Variants in ZDHHC14 observed in about 807,000 individuals in gnomAD.
ZDHHC14 encodes the protein zDHHC palmitoyltransferase 14.
In ZDHHC14, 16 loss-of-function variants were observed where a neutral mutation model predicts 47.7. That is an observed-to-expected ratio of 0.34 (90% CI 0.23 to 0.51). ZDHHC14 has a LOEUF of 0.51. Among genes scored for constraint, ZDHHC14 ranks in the 20% least tolerant of loss-of-function variants. ZDHHC14 has a pLI of 0.97. For missense variants in ZDHHC14, 515 were observed against 662.5 expected (o/e 0.78, Z 2.44); for synonymous variants, 293 against 278.9 (o/e 1.05, Z -0.50).
At chr6:157,392,998 G>A (rs1204839892) in intron 1 of ZDHHC14, among the ~76,000 whole-genome samples, 4 of 152,042 alleles carry the variant, frequency 2.6e-5, no homozygotes, top group Non-Finnish European at 5.9e-5. Flanking sequence ...TCCTGCCTCA[G>A]CCTCTCGAGT....
intron 1 of ZDHHC14, among the ~76,000 whole-genome samples, chr6:157,424,594 C>A (rs1452651218): frequency 6.6e-6 from 1 of 152,186 alleles, no homozygotes; most frequent in Non-Finnish European, 1.5e-5. Context: ...TGGCTATGAA[C>A]AAACAACTGG....
At chr6:157,606,810 C>T (rs1025349656) in intron 3 of ZDHHC14, among the ~76,000 whole-genome samples, 2 of 152,156 alleles carry the variant, frequency 1.3e-5, no homozygotes, top group Admixed American at 1.3e-4. Context: ...CAGGGGTCCA[C>T]GAACTTGGAG....
chr6:157,587,049 C>T (rs933159371), intron 2 of ZDHHC14, among the ~76,000 whole-genome samples: 2 of 152,210 alleles, frequency 1.3e-5, no homozygotes, highest in South Asian at 2.1e-4. Flanking sequence ...AGTGTTGATA[C>T]GTTTGTCATT....
intron 2 of ZDHHC14, among the ~76,000 whole-genome samples, chr6:157,562,365 G>A (rs952102344): frequency 7.2e-5 from 11 of 152,316 alleles, no homozygotes; most frequent in African/African-American, 2.2e-4. Context: ...CTCCCAGGGT[G>A]GACGCTGGGA....
In ZDHHC14 at chr6:157,662,462, G is replaced by A. The variant is rs1192192166; in HGVS notation, c.1068+8835G>A. ...CTCCCAAAGTGCTGGGATTACAGGC[G>A]TGAGCCCCCGCGCCCAGCCTGGAGG... On this transcript the variant is annotated intron_variant, in intron 8 of 8. Transcript: ENST00000359775. Among the ~76,000 whole-genome samples, 6 of 152,226 alleles carry A rather than the reference G, an allele frequency of 3.9e-5. No individual in the cohort carries two copies. In the South Asian group the frequency reaches 8.3e-4, roughly 21 times the overall value.
intron 2 of ZDHHC14, among the ~76,000 whole-genome samples, chr6:157,566,586 G>A (rs1782910556): frequency 6.6e-6 from 1 of 152,168 alleles, no homozygotes; most frequent in South Asian, 2.1e-4. Context: ...GGGTAGGTCC[G>A]AATGACACTC....
intron 2 of ZDHHC14, among the ~76,000 whole-genome samples, chr6:157,562,078 G>A (rs919268452): frequency 1.3e-5 from 2 of 152,206 alleles, no homozygotes; most frequent in Non-Finnish European, 2.9e-5. Context: ...CTTTTCACAG[G>A]GAAGGGGCAG....
At chr6:157,642,582 G>A (rs1182258204) in intron 5 of ZDHHC14, among the ~76,000 whole-genome samples, 2 of 152,142 alleles carry the variant, frequency 1.3e-5, no homozygotes, top group Admixed American at 1.3e-4. Context: ...TTCTTAGCAG[G>A]GGTTGTGGGG....
chr6:157,414,359 C>T (rs1777931950), intron 1 of ZDHHC14, among the ~76,000 whole-genome samples: 1 of 152,200 alleles, frequency 6.6e-6, no homozygotes, highest in Non-Finnish European at 1.5e-5. Context: ...GCCCATCCCC[C>T]AGTGATCTCA....
At chr6:157,603,774 G>A (rs979297153) in intron 3 of ZDHHC14, among the ~76,000 whole-genome samples, 1 of 152,228 alleles carries the variant, frequency 6.6e-6, no homozygotes, top group East Asian at 1.9e-4. Context: ...CAGGCTGAAG[G>A]GAGGGCAGCT....
At chr6:157,405,577 C>A (rs1777739062) in intron 1 of ZDHHC14, among the ~76,000 whole-genome samples, 2 of 152,010 alleles carry the variant, frequency 1.3e-5, no homozygotes, top group South Asian at 4.1e-4. Flanking sequence ...CTCTTAAAGT[C>A]TGGAAATTTT....
chr6:157,565,836 A>C (rs146280784), intron 2 of ZDHHC14, among the ~76,000 whole-genome samples: 2 of 151,570 alleles, frequency 1.3e-5, no homozygotes, highest in Non-Finnish European at 2.9e-5. Context: ...GTCCAGAGAA[A>C]CCCCTGTCCA....
intron 3 of ZDHHC14, among the ~76,000 whole-genome samples, chr6:157,602,438 C>T (rs77264296): frequency 0.025 from 3,587 of 146,072 alleles, 61 homozygotes; most frequent in East Asian, 0.039. Context: ...TGCAGTGAGC[C>T]GAGATGGCAC....
At chr6:157,600,273 TAAAG>T (rs1169784379) in intron 3 of ZDHHC14, among the ~76,000 whole-genome samples, 3 of 152,158 alleles carry the variant, frequency 2.0e-5, no homozygotes, top group African/African-American at 7.2e-5. Context: ...ACCAGTATAA[TAAAG>T]AATTAGTCAT....
intron 1 of ZDHHC14, among the ~76,000 whole-genome samples, chr6:157,537,439 A>G (rs1163322840): frequency 1.3e-5 from 2 of 152,232 alleles, no homozygotes; most frequent in Non-Finnish European, 2.9e-5. Context: ...GCTCTTGCTG[A>G]TGTATATGAT....
In ZDHHC14 at chr6:157,647,388, G is replaced by A. The variant is rs757240286; in HGVS notation, c.965+20G>A. 9.4e-6 allele frequency: 15 copies of A among 1,592,126 alleles called. No individual in the cohort carries two copies. In the East Asian group the frequency reaches 2.3e-4, roughly 24 times the overall value. ...ACCAAGGTAAGACTCAGGACGCATC[G>A]TGCTCTTCAACAGACCTTGGAAAAC... On this transcript the variant is annotated intron_variant, in intron 7 of 8. Transcript: ENST00000359775.
intron 2 of ZDHHC14, among the ~76,000 whole-genome samples, chr6:157,550,878 C>T (rs1782203400): frequency 6.6e-6 from 1 of 152,180 alleles, no homozygotes; most frequent in African/African-American, 2.4e-5. Context: ...TGTTGACATG[C>T]TCTGCTAAAA....
At chr6:157,532,109 G>A (rs563619300) in intron 1 of ZDHHC14, among the ~76,000 whole-genome samples, 20 of 152,326 alleles carry the variant, frequency 1.3e-4, no homozygotes, top group African/African-American at 4.3e-4. Context: ...CACAGCAGGC[G>A]TCTCCTGGTG....
chr6:157,418,507 T>C (rs1227715031), intron 1 of ZDHHC14, among the ~76,000 whole-genome samples: 1 of 152,202 alleles, frequency 6.6e-6, no homozygotes, highest in Non-Finnish European at 1.5e-5. Flanking sequence ...ATCAGAGGCC[T>C]GTGCCCTTTA....
Sources: gnomAD v4.1 joint callset for allele counts (sites outside exome capture counted in the v4.1 genomes callset) on GRCh38, gnomAD v4.1.1 for gene constraint, MANE v1.5 for transcripts, NCBI Gene and HGNC (gene_info 2026-07-23, HGNC 2026-07-21) for gene names.